Variants in PPFIA1 observed in about 807,000 individuals in gnomAD.
The protein encoded by PPFIA1 is PPFI scaffold protein A1, also known as liprin-alpha-1.
PPFIA1 carries 25 observed loss-of-function variants against 149.9 expected under a neutral mutation model. That is an observed-to-expected ratio of 0.17 (90% CI 0.12 to 0.23). The LOEUF is 0.23. PPFIA1 is among the 10% of genes least tolerant of loss of function. The pLI, the probability that PPFIA1 is intolerant of heterozygous loss-of-function variation, is 1.00. For synonymous variants in PPFIA1, 549 were observed against 552.8 expected (o/e 0.99, Z 0.10); for missense variants, 1,362 against 1,506.5 (o/e 0.90, Z 1.59).
chr11:70,279,922 T>TGTGTGTGTGTGTGTGTG (rs1555077789), intron 2 of PPFIA1, among the ~76,000 whole-genome samples: 1 of 151,668 alleles, frequency 6.6e-6, no homozygotes, highest in African/African-American at 2.4e-5. Flanking sequence ...TGTGTGTATA[T>TGTGTGTGTGTGTGTGTG]TTTTGGGACA....
At chr11:70,335,421 A>G in intron 10 of PPFIA1, 142 bp from the exon 11 acceptor site, 1 of 924,524 alleles carries the variant, frequency 1.1e-6, no homozygotes, top group Non-Finnish European at 1.6e-6. Context: ...CACCATGCAA[A>G]AGTCCACTCA....
intron 2 of PPFIA1, among the ~76,000 whole-genome samples, chr11:70,323,891 AG>A (rs1453116984): frequency 2.6e-5 from 4 of 152,124 alleles, no homozygotes; most frequent in Non-Finnish European, 5.9e-5. Context: ...TGAGCTCTGG[AG>A]GTCAAAACTG....
At position 70,291,877 on chromosome 11, in the gene PPFIA1, G is replaced by A. The variant is rs370603182; in HGVS notation, c.264+19441G>A. Among the ~76,000 whole-genome samples the A allele has an allele frequency of 1.2e-4, 16 of 132,962 alleles. No individual in the cohort carries two copies. In the East Asian group the frequency reaches 2.0e-3, roughly 17 times the overall value. The allele number at this position is 132,962 out of a possible 152,430, so 87.2% of individuals were successfully genotyped here. On this transcript the variant is annotated intron_variant, in intron 2 of 27. Coordinates refer to ENST00000253925, the MANE Select transcript of PPFIA1 (RefSeq NM_003626.5). ...TTTTTTGAGACAGTCTTGCTCTGTCGCCCAGGCTGGAGTGTAGTGGTGCGA... is the reference window on the plus strand; with the variant it reads ...TTTTTTGAGACAGTCTTGCTCTGTCACCCAGGCTGGAGTGTAGTGGTGCGA...
In PPFIA1 at chr11:70,382,174, C is replaced by A; in HGVS notation, c.*12+16C>A. 1 of 1,603,660 alleles carries A rather than the reference C, an allele frequency of 6.2e-7. No homozygotes were observed. The highest frequency in any genetic ancestry group is 1.1e-5 in the South Asian group (1 of 90,160). On this transcript the variant is annotated intron_variant, in intron 27 of 27. Transcript: ENST00000253925. ...TCTCCTGTTGGTGAGTAGAGAGCAC[C>A]ACAACCCCTAGAGATGGCTCAGAGG...
chr11:70,367,174 A>G lies in PPFIA1; in HGVS notation c.2865+4686A>G, dbSNP rs564848194. Among the ~76,000 whole-genome samples, 4 of 152,326 alleles carry G rather than the reference A, an allele frequency of 2.6e-5. No homozygotes were observed. In the East Asian group the frequency reaches 7.7e-4, roughly 29 times the overall value. On this transcript the variant is annotated intron_variant, in intron 21 of 27. Transcript: ENST00000253925. The stretch of plus-strand genomic sequence containing the variant: ...TCTTTGCGGTGGAAATATAAACAAG[A>G]CTGAGCTGTGGTGATGACTCCAGAA...
intron 19 of PPFIA1, among the ~76,000 whole-genome samples, chr11:70,358,962 A>G (rs1261264139): frequency 2.0e-5 from 3 of 152,108 alleles, no homozygotes; most frequent in Non-Finnish European, 4.4e-5. Context: ...TTCCCTTTTC[A>G]TGTTCTCCTT....
rs141525380 is a variant in PPFIA1 at position 70,308,135 on chromosome 11, G to C, written c.265-16267G>C. Among the ~76,000 whole-genome samples the C allele has an allele frequency of 2.7e-3, 416 of 152,234 alleles. 1 individual carries two copies. The highest frequency in any genetic ancestry group is 9.7e-3 in the African/African-American group (405 of 41,542). ...GCGATCTCGGCTCACCGCAACCTTCGCCTCCTGGGATCAAGCGATTCTCCT... is the reference window on the plus strand; with the variant it reads ...GCGATCTCGGCTCACCGCAACCTTCCCCTCCTGGGATCAAGCGATTCTCCT... On this transcript the variant is annotated intron_variant, in intron 2 of 27. Transcript: ENST00000253925.
At chr11:70,356,289 G>A in intron 19 of PPFIA1, 35 bp downstream of exon 19, 1 of 1,530,882 alleles carries the variant, frequency 6.5e-7, no homozygotes, top group African/African-American at 1.4e-5. Flanking sequence ...CTCATTGAAT[G>A]GTTTTCAGTT....
intron 2 of PPFIA1, among the ~76,000 whole-genome samples, chr11:70,302,134 C>T (rs2052526678): frequency 6.6e-6 from 1 of 152,174 alleles, no homozygotes; most frequent in Admixed American, 6.5e-5. Flanking sequence ...CCTCAGGGGC[C>T]AGAAGAGCCT....
Position 70,332,241 on chromosome 11 carries a change from T to A in PPFIA1, c.1212+147T>A. ...GGTTTGAGTGCTCTTTCATCTGAGA[T>A]TGGAACACTTTGTAAATGCCAGACA... On this transcript the variant is annotated intron_variant, in intron 9 of 27. Coordinates refer to ENST00000253925, the MANE Select transcript of PPFIA1 (RefSeq NM_003626.5). 2.0e-6 allele frequency: 2 copies of A among 1,001,618 alleles called. 1 individual carries two copies. Among genetic ancestry groups the A allele is most frequent in the South Asian group, 4.3e-5 (2 of 46,794 alleles). The allele number at this position is 1,001,618 out of a possible 1,614,324, so 62.0% of individuals were successfully genotyped here. A position where few individuals can be genotyped will look rare whatever the true frequency, so the allele number is the denominator to read the frequency against.
At position 70,326,758 on chromosome 11, in the gene PPFIA1, T is replaced by G. The variant is rs2054315654; in HGVS notation, c.870T>G (p.Ala290=). 6.2e-6 allele frequency: 10 copies of G among 1,614,226 alleles called. No homozygotes were observed. Among genetic ancestry groups the G allele is most frequent in the Non-Finnish European group, 8.5e-6 (10 of 1,180,044 alleles). The change falls in exon 7 of 28, where the codon GCT becomes GCG. Residue 290 remains alanine (A), a synonymous_variant. Coordinates refer to ENST00000253925, the MANE Select transcript of PPFIA1 (RefSeq NM_003626.5). The part of the protein sequence containing the change: ...VTELEEDLDT[A]RKDLIKSEEM... ...AACTGGAAGAGGATCTGGACACGGCTAGAAAAGATCTCATCAAATCTGAAG... is the reference window on the plus strand; with the variant it reads ...AACTGGAAGAGGATCTGGACACGGCGAGAAAAGATCTCATCAAATCTGAAG...
At chr11:70,376,304 T>G (rs1295646710) in intron 24 of PPFIA1, among the ~76,000 whole-genome samples, 1 of 152,170 alleles carries the variant, frequency 6.6e-6, no homozygotes, top group Non-Finnish European at 1.5e-5. Flanking sequence ...TTTTTGTATT[T>G]TTAGTAGAGA....
intron 19 of PPFIA1, among the ~76,000 whole-genome samples, chr11:70,360,396 G>A (rs1412008936): frequency 6.6e-6 from 1 of 152,274 alleles, no homozygotes; most frequent in Non-Finnish European, 1.5e-5. Context: ...AGAGTGCCAA[G>A]GCTGAGCGTA....
At chr11:70,357,648 G>C (rs9705227) in intron 19 of PPFIA1, among the ~76,000 whole-genome samples, 1 of 150,498 alleles carries the variant, frequency 6.6e-6, no homozygotes, top group Non-Finnish European at 1.5e-5. Flanking sequence ...GTGCAGTGGC[G>C]CAATCTCAGT....
chr11:70,379,378 G>A (rs1181335525), intron 26 of PPFIA1, among the ~76,000 whole-genome samples: 1 of 151,838 alleles, frequency 6.6e-6, no homozygotes, highest in Non-Finnish European at 1.5e-5. Flanking sequence ...GAATCATTTG[G>A]ACCTGGGAGG....
At position 70,354,411 on chromosome 11, in the gene PPFIA1, G is replaced by A. The variant is rs200196757; in HGVS notation, c.2274G>A (p.Ala758=). Residue 758 remains alanine, a synonymous_variant, in exon 17 of 28, where the codon GCG becomes GCA. Transcript: ENST00000253925. ...ALRLDRLHKG[A]LHTVSHEDIR... is the part of the protein sequence containing the mutation. ...GGTTAGACCGGCTGCACAAAGGGGC[G>A]CTGCACACCGTCAGCCACGAGGACA... 3.5e-5 allele frequency: 56 copies of A among 1,613,820 alleles called. No individual in the cohort carries two copies. The highest frequency in any genetic ancestry group is 3.3e-4 in the Middle Eastern group (2 of 6,084).
chr11:70,326,512 T>C, intron 6 of PPFIA1, 85 bp from the exon 7 acceptor site: 1 of 1,341,390 alleles, frequency 7.5e-7, no homozygotes, highest in African/African-American at 1.5e-5. Context: ...TAAGTCAGTT[T>C]TGATTTTAGC....
chr11:70,285,610 G>T (rs2051057342), intron 2 of PPFIA1, among the ~76,000 whole-genome samples: 1 of 151,202 alleles, frequency 6.6e-6, no homozygotes, highest in African/African-American at 2.4e-5. Flanking sequence ...AACCTGGGAG[G>T]TGGAGGTTGC....
chr11:70,335,300 A>G (rs533631096), intron 10 of PPFIA1, among the ~76,000 whole-genome samples: 7 of 152,330 alleles, frequency 4.6e-5, no homozygotes, highest in Admixed American at 1.3e-4. Flanking sequence ...CTGACAGTTA[A>G]CAACTAGTGA....
Sources: gnomAD v4.1 joint callset for allele counts (sites outside exome capture counted in the v4.1 genomes callset) on GRCh38, gnomAD v4.1.1 for gene constraint, MANE v1.5 for transcripts, NCBI Gene and HGNC (gene_info 2026-07-23, HGNC 2026-07-21) for gene names.